Variants in ESPN observed in about 807,000 individuals in gnomAD.
The protein encoded by ESPN is espin.
Under a neutral mutation model 77.7 loss-of-function variants are expected in ESPN, and 68 were observed. The observed-to-expected ratio is 0.87, with a 90% confidence interval of 0.72 to 1.07. The LOEUF (loss-of-function observed/expected upper bound fraction) is 1.07. ESPN is among the 50% of genes least tolerant of loss of function. The pLI, the probability that ESPN is intolerant of heterozygous loss-of-function variation, is 0.00. For synonymous variants in ESPN, 449 were observed against 567.1 expected, an observed-to-expected ratio of 0.79 and a Z score of 2.96; for missense variants, 1,060 against 1,239.0, an observed-to-expected ratio of 0.86 and a Z score of 2.17.
chr1:6,444,432 C>G, intron 5 of ESPN, 49 bp from the exon 6 acceptor site: 1 of 1,591,478 alleles, frequency 6.3e-7, no homozygotes, highest in Non-Finnish European at 8.6e-7. Flanking sequence ...TGGAGAGCAA[C>G]GCATCTTGGG....
rs775872563 is a variant in ESPN, at chr1:6,444,547, G to A, written c.1057G>A (p.Gly353Ser). 1.2e-6 allele frequency: 2 copies of A among 1,614,112 alleles called. No homozygotes were observed. Among genetic ancestry groups the A allele is most frequent in the Non-Finnish European group, 1.7e-6 (2 of 1,180,038 alleles). Reference protein sequence around the residue: ...AELEAKQPDSGMSSPNTTVSV... With the variant: ...AELEAKQPDSSMSSPNTTVSV... ...GCTGGAGGCTAAGCAGCCGGATTCA[G>A]GCATGTCCTCACCCAATACCACGGT... The change falls in exon 6 of 13, where the codon GGC becomes AGC. Residue 353 changes from glycine to serine, a missense_variant. Gly to Ser is a moderately conservative substitution (Grantham distance 56). This residue lies in a region of ESPN where 556 missense variants were observed against 633.6 expected (regional missense o/e 0.88). Transcript: ENST00000645284.
At chr1:6,445,023 A>G (rs1243580526) in intron 6 of ESPN, among the ~76,000 whole-genome samples, 1 of 152,190 alleles carries the variant, frequency 6.6e-6, no homozygotes, top group Non-Finnish European at 1.5e-5. Context: ...ACACAGAGCC[A>G]TGCGAATATC....
intron 2 of ESPN, among the ~76,000 whole-genome samples, chr1:6,434,910 C>T (rs183006131): frequency 9.0e-4 from 137 of 152,232 alleles, no homozygotes; most frequent in Admixed American, 8.5e-3. Flanking sequence ...CCTCGCAGCC[C>T]TGCCTTGATG....
At chr1:6,442,836 C>A (rs1262434369) in intron 5 of ESPN, among the ~76,000 whole-genome samples, 1 of 145,650 alleles carries the variant, frequency 6.9e-6, no homozygotes, top group Non-Finnish European at 1.5e-5. Flanking sequence ...CCACTGCACT[C>A]CAGCCTGGGT....
chr1:6,433,794 C>A (rs1163998170), intron 2 of ESPN, among the ~76,000 whole-genome samples: 2 of 152,116 alleles, frequency 1.3e-5, no homozygotes, highest in Non-Finnish European at 2.9e-5. Context: ...CTGCACCCTG[C>A]CTTCCTCCAA....
At chr1:6,434,545 C>G (rs1279024304) in intron 2 of ESPN, among the ~76,000 whole-genome samples, 1 of 152,190 alleles carries the variant, frequency 6.6e-6, no homozygotes, top group Non-Finnish European at 1.5e-5. Context: ...TCTGAGCATT[C>G]CCAAGCCTGT....
At chr1:6,436,698 G>A (rs763288432) in intron 2 of ESPN, among the ~76,000 whole-genome samples, 39 of 152,032 alleles carry the variant, frequency 2.6e-4, no homozygotes, top group Non-Finnish European at 3.7e-4. Flanking sequence ...AGAGAATGGC[G>A]GTCTCTCTAT....
chr1:6,441,434 A>G (rs1368236935), intron 5 of ESPN, among the ~76,000 whole-genome samples: 3 of 152,304 alleles, frequency 2.0e-5, no homozygotes, highest in African/African-American at 7.2e-5. Context: ...ATATGGATAA[A>G]GTGAGTCTGC....
At chr1:6,452,327 C>T (rs1458835743) in intron 10 of ESPN, among the ~76,000 whole-genome samples, 2 of 152,154 alleles carry the variant, frequency 1.3e-5, no homozygotes, top group African/African-American at 4.8e-5. Flanking sequence ...GCCTCAGCCT[C>T]CCAGGTAGCT....
chr1:6,454,688 G>A (rs1045205818), intron 10 of ESPN: 5 of 398,574 alleles, frequency 1.3e-5, no homozygotes, highest in African/African-American at 1.0e-4. Context: ...CCGTCGATCC[G>A]CGCCGAATGC....
At chr1:6,445,469 A>G in intron 6 of ESPN, 195 bp from the exon 7 acceptor site, 1 of 666,996 alleles carries the variant, frequency 1.5e-6, no homozygotes, top group Non-Finnish European at 2.7e-6. Flanking sequence ...TTCCCCCAGT[A>G]AGTGCTGGGC....
chr1:6,446,234 G>A (rs1044439846), intron 7 of ESPN, among the ~76,000 whole-genome samples: 4 of 152,130 alleles, frequency 2.6e-5, no homozygotes, highest in Non-Finnish European at 5.9e-5. Flanking sequence ...CAGAGTGGCC[G>A]GGTTGTCATG....
At position 6,425,263 on chromosome 1, in the gene ESPN, G is replaced by T. The variant is rs576022105; in HGVS notation, c.294+14G>T. On this transcript the variant is annotated intron_variant, in intron 1 of 12. Transcript: ENST00000645284. ...TGCAGAGTGCAGGTGGGTCCGCGCG[G>T]TTCGCCAGGGGCACTGAGGCTTCCT... is the stretch of plus-strand genomic sequence containing the variant. 2.9e-4 allele frequency: 454 copies of T among 1,567,108 alleles called. No individual in the cohort carries two copies. The highest frequency in any genetic ancestry group is 3.7e-4 in the Non-Finnish European group (432 of 1,164,942).
rs1643761580 is a variant in ESPN at position 6,444,624 on chromosome 1, C to T, written c.1134C>T (p.Ser378=). Residue 378 remains serine (S), a synonymous_variant, in exon 6 of 13, where the codon TCC becomes TCT. Coordinates refer to ENST00000645284, the MANE Select transcript of ESPN (RefSeq NM_031475.3). ...TCAGCTCGCCTACCAGCACCCTCTC[C>T]AACTACGACTCCTGCTCCTCCAGCC... ...FDLSSPTSTL[S]NYDSCSSSHS... 6.2e-7 allele frequency: 1 copy of T among 1,614,104 alleles called. No individual in the cohort carries two copies. Among genetic ancestry groups the T allele is most frequent in the African/African-American group, 1.3e-5 (1 of 74,940 alleles).
intron 2 of ESPN, among the ~76,000 whole-genome samples, chr1:6,433,591 A>G (rs1023311647): frequency 2.5e-4 from 38 of 149,614 alleles, no homozygotes; most frequent in Non-Finnish European, 4.7e-4. Context: ...TGGGCAACAG[A>G]GCAAGAATCC....
intron 8 of ESPN, among the ~76,000 whole-genome samples, 165 bp downstream of exon 8, chr1:6,449,256 C>G (rs1192988196): frequency 6.6e-6 from 1 of 152,242 alleles, no homozygotes; most frequent in Admixed American, 6.5e-5. Flanking sequence ...AGAGAGGGCT[C>G]TGGGTTGCTT....
chr1:6,451,610 G>T lies in ESPN; in HGVS notation c.1923G>T (p.Lys641Asn). Residue 641 changes from lysine (K) to asparagine (N), a missense_variant, in exon 9 of 13, where the codon AAG (lysine) becomes AAT (asparagine). Coordinates refer to ENST00000645284, the MANE Select transcript of ESPN (RefSeq NM_031475.3). The surrounding 1 kb of genome is among the most constrained non-coding windows in gnomAD (Gnocchi z 4.3). The stretch of plus-strand genomic sequence containing the variant: ...TCTCCTGCCTCCGCATAGGCACCAA[G>T]TCTTTCAACATGATGTCCCCGACGG... ...RRSSSSTGSTKSFNMMSPTGD... is the reference protein window; with the variant it reads ...RRSSSSTGSTNSFNMMSPTGD... 1 of 1,612,932 alleles carries T rather than the reference G, an allele frequency of 6.2e-7. No individual in the cohort carries two copies. Among genetic ancestry groups the T allele is most frequent in the Non-Finnish European group, 8.5e-7 (1 of 1,179,820 alleles).
intron 8 of ESPN, 132 bp downstream of exon 8, chr1:6,449,223 A>G (rs1643905375): frequency 2.1e-6 from 2 of 932,330 alleles, no homozygotes; most frequent in South Asian, 2.6e-5. Context: ...GGCCACCCCT[A>G]CCCCATTGAG....
Position 6,457,396 on chromosome 1 carries a change from C to T in ESPN, c.2417+24C>T, listed in dbSNP as rs372618735. On this transcript the variant is annotated intron_variant, in intron 12 of 12. Transcript: ENST00000645284. ...CGGTGAGTGCAGGGCTGGCCCCAACCTGCCACCCTTATCCCCACCCAAGTC... is the reference window on the plus strand; with the variant it reads ...CGGTGAGTGCAGGGCTGGCCCCAACTTGCCACCCTTATCCCCACCCAAGTC... 57 of 1,614,210 alleles carry T rather than the reference C, an allele frequency of 3.5e-5. No homozygotes were observed. In the African/African-American group the frequency reaches 6.1e-4, roughly 17 times the overall value.
Sources: allele counts gnomAD v4.1 joint callset (sites outside exome capture counted in the v4.1 genomes callset), GRCh38; gene constraint gnomAD v4.1.1; regional missense constraint gnomAD v4.1.1; non-coding constraint Gnocchi (gnomAD v3.1); transcripts MANE v1.5; gene names NCBI Gene and HGNC (gene_info 2026-07-23, HGNC 2026-07-21).